Variants in BANP observed in about 807,000 individuals in gnomAD.
BANP encodes the protein protein BANP.
Under a neutral mutation model 68.1 loss-of-function variants are expected in BANP, and 11 were observed. That is an observed-to-expected ratio of 0.16 (90% confidence interval 0.10 to 0.27). BANP has a LOEUF of 0.27. Ranked by LOEUF, BANP falls within the 10% of genes least tolerant of loss-of-function variation. The pLI is 1.00. For missense variants in BANP, 504 were observed against 722.7 expected (o/e 0.70, Z 3.47); for synonymous variants, 329 against 303.2 (o/e 1.09, Z -0.88).
rs1294920899 is a variant in BANP at position 88,057,821 on chromosome 16, G to A, written c.1312-7446G>A. 6.6e-6 allele frequency among the ~76,000 whole-genome samples: 1 copy of A among 152,028 alleles called. No homozygotes were observed. Among genetic ancestry groups the A allele is most frequent in the African/African-American group, 2.4e-5 (1 of 41,376 alleles). On this transcript the variant is annotated intron_variant, in intron 11 of 13. Transcript: ENST00000682872. The surrounding 1 kb of genome is among the most constrained non-coding windows in gnomAD (Gnocchi z 4.6). ...CCGCACCCTGGACTCCAGGGCAAGT[G>A]GTGCTGGCCGGATGCCCACAGTGAG...
intron 3 of BANP, among the ~76,000 whole-genome samples, chr16:87,983,264 A>T (rs2063638300): frequency 6.6e-6 from 1 of 152,108 alleles, no homozygotes; most frequent in African/African-American, 2.4e-5. Context: ...CCTAGACCTG[A>T]AGGAGTGTCC....
chr16:87,974,565 G>A (rs371249897), intron 1 of BANP, among the ~76,000 whole-genome samples: 6 of 152,318 alleles, frequency 3.9e-5, no homozygotes, highest in African/African-American at 1.2e-4. Flanking sequence ...GCGTGCAGCT[G>A]GGAGAAACTT....
intron 11 of BANP, among the ~76,000 whole-genome samples, chr16:88,065,021 C>T (rs2088113337): frequency 1.3e-5 from 2 of 152,240 alleles, no homozygotes; most frequent in East Asian, 3.8e-4. Flanking sequence ...GCCAGCCCGC[C>T]CTGAAGGCAC....
At chr16:88,066,321 A>G (rs543506591) in intron 12 of BANP, among the ~76,000 whole-genome samples, 2 of 152,154 alleles carry the variant, frequency 1.3e-5, no homozygotes, top group East Asian at 1.9e-4. Flanking sequence ...TGAGGCTGAC[A>G]TTACCAGCAG....
chr16:88,052,995 A>G (rs542763109), intron 11 of BANP, among the ~76,000 whole-genome samples: 24 of 149,932 alleles, frequency 1.6e-4, no homozygotes, highest in Non-Finnish European at 3.3e-4. Flanking sequence ...CACTTCTACC[A>G]CTACCATCTC....
intron 2 of BANP, chr16:87,978,756 A>C (rs2062688467): frequency 2.3e-6 from 1 of 434,806 alleles, no homozygotes. Flanking sequence ...AGGTGCTGAT[A>C]ATCAAAACAG....
chr16:87,980,674 A>G (rs2146025956), intron 2 of BANP: 2 of 236,040 alleles, frequency 8.5e-6, no homozygotes, highest in South Asian at 5.4e-5. Context: ...ACCAACAGAT[A>G]AAACTTTATT....
Position 87,953,695 on chromosome 16 carries a change from C to T in BANP, c.-69+2180C>T, listed in dbSNP as rs770810337. ...GATTTTTCTGTTAGTCATGGCTTTT[C>T]TCTTGGCACTTTCTGTTCCCATCGA... On this transcript the variant is annotated intron_variant, in intron 1 of 13. Coordinates refer to ENST00000682872, the MANE Select transcript of BANP (RefSeq NM_001386991.1). Among the ~76,000 whole-genome samples the T allele has an allele frequency of 7.8e-4, 119 of 152,300 alleles. 1 individual carries two copies. The highest frequency in any genetic ancestry group is 1.4e-3 in the Non-Finnish European group (92 of 68,024).
At chr16:88,042,412 C>A (rs1457990079) in intron 11 of BANP, among the ~76,000 whole-genome samples, 1 of 152,222 alleles carries the variant, frequency 6.6e-6, no homozygotes, top group Admixed American at 6.5e-5. Flanking sequence ...GCGCTCACTT[C>A]CTCTCAGCTC....
chr16:87,985,783 C>T (rs75236297), intron 4 of BANP, among the ~76,000 whole-genome samples: 1 of 152,154 alleles, frequency 6.6e-6, no homozygotes, highest in Non-Finnish European at 1.5e-5. Flanking sequence ...GGGAGTTCAG[C>T]CCCCAGCTGG....
At chr16:87,980,462 G>C (rs1385362636) in intron 2 of BANP, 1 of 152,888 alleles carries the variant, frequency 6.5e-6, no homozygotes, top group Non-Finnish European at 1.5e-5. Flanking sequence ...GCGGGAAGCC[G>C]TGACGATCAC....
intron 11 of BANP, among the ~76,000 whole-genome samples, chr16:88,053,690 C>T (rs2084013617): frequency 7.0e-6 from 1 of 143,756 alleles, no homozygotes; most frequent in South Asian, 2.4e-4. Context: ...ACCTCTACCA[C>T]TGTCATCTCC....
rs896190109 is a variant in BANP at position 88,004,131 on chromosome 16, C to G, written c.363-164C>G. ...CCTTAGCATTTGGGGCTCCTTCCCC[C>G]TCAGGACGGGTCCCTGGGAGTGGAC... On this transcript the variant is annotated intron_variant, in intron 4 of 13. Transcript: ENST00000682872. This position sits in a 1 kb window ranked among gnomAD's most constrained non-coding sequence, Gnocchi z 7.0. Among the ~76,000 whole-genome samples, 2 of 152,220 alleles carry G rather than the reference C, an allele frequency of 1.3e-5. No homozygotes were observed. The highest frequency in any genetic ancestry group is 4.8e-5 in the African/African-American group (2 of 41,446).
At chr16:87,964,213 G>C (rs560087398) in intron 1 of BANP, among the ~76,000 whole-genome samples, 1 of 152,238 alleles carries the variant, frequency 6.6e-6, no homozygotes, top group South Asian at 2.1e-4. Context: ...ATTGGGGAAT[G>C]ACGTCAGTGG....
At position 88,071,929 on chromosome 16, in the gene BANP, G is replaced by A. The variant is rs1376936998; in HGVS notation, c.1378-140G>A. 4 of 1,094,376 alleles carry A rather than the reference G, an allele frequency of 3.7e-6. No individual in the cohort carries two copies. Among genetic ancestry groups the A allele is most frequent in the East Asian group, 5.1e-5 (2 of 38,896 alleles). The allele number at this position is 1,094,376 out of a possible 1,614,324, so 67.8% of individuals were successfully genotyped here. The stretch of plus-strand genomic sequence containing the variant: ...AGACAGGATGTGCCGCAGAGTCCTC[G>A]GTGTGGCCCTGAGGCCGTGTCCCTG... On this transcript the variant is annotated intron_variant, in intron 12 of 13. Coordinates refer to ENST00000682872, the MANE Select transcript of BANP (RefSeq NM_001386991.1). The surrounding 1 kb of genome is among the most constrained non-coding windows in gnomAD (Gnocchi z 6.5).
chr16:88,010,457 G>A (rs922936959), intron 6 of BANP, among the ~76,000 whole-genome samples: 1 of 152,220 alleles, frequency 6.6e-6, no homozygotes, highest in African/African-American at 2.4e-5. Flanking sequence ...TGCCAGTGAA[G>A]GCTGGTGAGG....
rs537385345 is a variant in BANP, at chr16:87,977,313, G to A, written c.70+2128G>A. Reference sequence around the variant, plus strand: ...GGGCGCCTGTAGTCCCAGCTGCTCAGGAGGCTGAGGCAGGAGAATGGCGTG... The same window carrying A: ...GGGCGCCTGTAGTCCCAGCTGCTCAAGAGGCTGAGGCAGGAGAATGGCGTG... On this transcript the variant is annotated intron_variant, in intron 2 of 13. Coordinates refer to ENST00000682872, the MANE Select transcript of BANP (RefSeq NM_001386991.1). 2.2e-4 allele frequency among the ~76,000 whole-genome samples: 33 copies of A among 152,312 alleles called. 1 individual carries two copies. The highest frequency in any genetic ancestry group is 1.9e-3 in the Admixed American group (29 of 15,298).
intron 4 of BANP, among the ~76,000 whole-genome samples, chr16:87,994,141 C>T (rs998137616): frequency 3.9e-5 from 6 of 152,124 alleles, no homozygotes; most frequent in African/African-American, 7.2e-5. Flanking sequence ...TCTGAACATG[C>T]GAAGGGCCCT....
chr16:87,958,470 C>T (rs191406998), intron 1 of BANP, among the ~76,000 whole-genome samples: 69 of 152,268 alleles, frequency 4.5e-4, no homozygotes, highest in Admixed American at 7.8e-4. Flanking sequence ...TGTCTACTAG[C>T]GGGTGGTTAT....
Sources: gnomAD v4.1 joint callset for allele counts (sites outside exome capture counted in the v4.1 genomes callset) on GRCh38, gnomAD v4.1.1 for gene constraint, Gnocchi (gnomAD v3.1) non-coding constraint, MANE v1.5 for transcripts, NCBI Gene and HGNC (gene_info 2026-07-23, HGNC 2026-07-21) for gene names.